The following RNF126 variants were observed in gnomAD, a reference collection of about 807,000 sequenced individuals.
The protein encoded by RNF126 is ring finger protein 126, also known as E3 ubiquitin-protein ligase RNF126.
In RNF126, 20 loss-of-function variants were observed where a neutral mutation model predicts 41.9. The observed-to-expected ratio is 0.48, with a 90% CI of 0.34 to 0.69. The LOEUF is 0.69. Ranked by LOEUF, RNF126 falls within the 30% of genes least tolerant of loss-of-function variation. The probability of loss-of-function intolerance (pLI) is 0.01; values close to 1 mark genes in which losing one functional copy is unlikely to be tolerated. For synonymous variants in RNF126, 239 were observed against 202.9 expected (o/e 1.18, Z -1.51); for missense variants, 433 against 460.6 (o/e 0.94, Z 0.55).
At chr19:651,935 G>C in intron 3 of RNF126, 80 bp from the exon 4 acceptor site, 1 of 1,353,084 alleles carries the variant, frequency 7.4e-7, no homozygotes, top group Non-Finnish European at 1.0e-6. Flanking sequence ...AAAGACAAAG[G>C]AGAAAGCAAG....
chr19:661,851 T>A (rs921589324), intron 1 of RNF126, among the ~76,000 whole-genome samples: 8 of 152,086 alleles, frequency 5.3e-5, no homozygotes, highest in Non-Finnish European at 7.4e-5. Flanking sequence ...TCCAGACCCC[T>A]CCACCTCCTG....
In RNF126 at chr19:653,478, C is replaced by T. The variant is rs116150192; in HGVS notation, c.76-594G>A. 9.5e-3 allele frequency among the ~76,000 whole-genome samples: 1,455 copies of T among 152,368 alleles called. 17 individuals carry two copies. Among genetic ancestry groups the T allele is most frequent in the African/African-American group, 0.033 (1,375 of 41,582 alleles). On this transcript the variant is annotated intron_variant, in intron 1 of 8. Coordinates refer to ENST00000292363, the MANE Select transcript of RNF126 (RefSeq NM_194460.3). ...AGTCCCAAAACCACGTTCACAGTTCCCCAGCACCAGCCTCAAGCCACAGCT... is the reference window on the plus strand; with the variant it reads ...AGTCCCAAAACCACGTTCACAGTTCTCCAGCACCAGCCTCAAGCCACAGCT...
intron 6 of RNF126, 165 bp from the exon 7 acceptor site, chr19:649,140 G>C (rs2030129412): frequency 7.0e-6 from 2 of 287,748 alleles, no homozygotes; most frequent in Non-Finnish European, 6.4e-6. Context: ...AGCCCACGCG[G>C]CCCCCCCGCT....
intron 1 of RNF126, among the ~76,000 whole-genome samples, chr19:655,011 AAAG>A (rs141021872): frequency 0.069 from 10,435 of 151,822 alleles, 404 homozygotes; most frequent in African/African-American, 0.1. Context: ...AGAAAGAAAG[AAAG>A]AAAAAAAAGC....
intron 1 of RNF126, among the ~76,000 whole-genome samples, chr19:653,435 C>T (rs1271805035): frequency 1.3e-5 from 2 of 152,228 alleles, no homozygotes; most frequent in African/African-American, 4.8e-5. Flanking sequence ...GGACCCTGCC[C>T]AGGGACAGCC....
intron 3 of RNF126, 80 bp from the exon 4 acceptor site, chr19:651,935 G>T (rs1056142324): frequency 7.4e-7 from 1 of 1,352,966 alleles, no homozygotes; most frequent in African/African-American, 1.5e-5. Flanking sequence ...AAAGACAAAG[G>T]AGAAAGCAAG....
At chr19:648,549 A>G (rs2030095266) in intron 7 of RNF126, 62 bp from the exon 8 acceptor site, 5 of 1,334,862 alleles carry the variant, frequency 3.7e-6, no homozygotes, top group Middle Eastern at 2.5e-4. Context: ...CTTCAAGGGC[A>G]GGCTACTCCA....
intron 1 of RNF126, among the ~76,000 whole-genome samples, chr19:654,472 G>C (rs919633641): frequency 3.3e-5 from 5 of 151,022 alleles, no homozygotes; most frequent in Middle Eastern, 3.4e-3. Context: ...GTGAAACTCT[G>C]TCTCTACTAA....
chr19:648,076 G>A lies in RNF126; in HGVS notation c.*52C>T. On this transcript the variant is annotated 3_prime_UTR_variant, in exon 9 of 9. Transcript: ENST00000292363. ...CAGTCTGTGGGTGCCGTGTGGCGCT[G>A]GCTGAGGGTGGGTGGGAAAGGCCCC... The A allele has an allele frequency of 6.7e-7, 1 of 1,503,164 alleles. No individual in the cohort carries two copies. Among genetic ancestry groups the A allele is most frequent in the Non-Finnish European group, 8.9e-7 (1 of 1,125,096 alleles). 93.1% of individuals were successfully genotyped at this position (1,503,164 alleles called of 1,614,324 possible).
chr19:652,647 G>A lies in RNF126; in HGVS notation c.134+179C>T, dbSNP rs2030369936. The A allele has an allele frequency of 4.7e-6, 3 of 635,862 alleles. No individual in the cohort carries two copies. In the Admixed American group the frequency reaches 8.6e-5, roughly 18 times the overall value. The allele number at this position is 635,862 out of a possible 1,614,324, so 39.4% of individuals were successfully genotyped here. ...GGCACTCCCCTCTGGCCCCGGCCCG[G>A]CCATCACAGAAGAGAACGGCACGCT... On this transcript the variant is annotated intron_variant, in intron 2 of 8. Transcript: ENST00000292363.
intron 1 of RNF126, among the ~76,000 whole-genome samples, chr19:656,091 G>A (rs1056027781): frequency 2.0e-5 from 3 of 152,130 alleles, no homozygotes; most frequent in Non-Finnish European, 4.4e-5. Context: ...TTTTGCAGCT[G>A]TGAGAATGCT....
chr19:652,301 GGAGA>G lies in RNF126; in HGVS notation c.135-9_135-6del. On this transcript the variant is annotated splice_region_variant and splice_polypyrimidine_tract_variant and intron_variant, in intron 2 of 8. Coordinates refer to ENST00000292363, the MANE Select transcript of RNF126 (RefSeq NM_194460.3). ...GCAGAACCATTTTCTGTGCTCCTGG[GGAGA>G]GAGTGCAGGTCAGCAGTGCCGGCTA... 6.4e-7 allele frequency: 1 copy of G among 1,558,438 alleles called. No homozygotes were observed.
chr19:652,685 G>T, intron 2 of RNF126, 141 bp downstream of exon 2: 1 of 762,012 alleles, frequency 1.3e-6, no homozygotes, highest in Non-Finnish European at 2.2e-6. Flanking sequence ...TGTCTGCACA[G>T]AGAAAAGTGC....
At chr19:662,979 C>G (rs924441113) in intron 1 of RNF126, 68 bp downstream of exon 1, 251 of 780,892 alleles carry the variant, frequency 3.2e-4, no homozygotes, top group Non-Finnish European at 3.9e-4. Context: ...GACCCCCACC[C>G]CGGCCCCGGC....
At position 659,524 on chromosome 19, in the gene RNF126, C is replaced by T. The variant is rs115211338; in HGVS notation, c.75+3523G>A. The stretch of plus-strand genomic sequence containing the variant: ...GAGACGGGGAGGTCAGGGGCAAGGA[C>T]GGCACGCAGGGCCACCTCCCTGCGC... On this transcript the variant is annotated intron_variant, in intron 1 of 8. Coordinates refer to ENST00000292363, the MANE Select transcript of RNF126 (RefSeq NM_194460.3). This position sits in a 1 kb window ranked among gnomAD's most constrained non-coding sequence, Gnocchi z 4.9. Among the ~76,000 whole-genome samples the T allele has an allele frequency of 0.012, 1,753 of 152,204 alleles. 36 individuals carry two copies. The highest frequency in any genetic ancestry group is 0.04 in the African/African-American group (1,646 of 41,512).
At chr19:652,641 G>C in intron 2 of RNF126, 185 bp downstream of exon 2, 1 of 629,640 alleles carries the variant, frequency 1.6e-6, no homozygotes, top group South Asian at 1.9e-5. Context: ...CTCTGGCCCC[G>C]GCCCGGCCAT....
chr19:648,011 T>C lies in RNF126; in HGVS notation c.*117A>G. On this transcript the variant is annotated 3_prime_UTR_variant, in exon 9 of 9. Transcript: ENST00000292363. ...GTCCTGCCCTGGAACAGGCGGGACC[T>C]GCAGCGCTGACCAGCCAAGCGTGGC... The C allele has an allele frequency of 8.0e-7, 1 of 1,245,636 alleles. No homozygotes were observed. Among genetic ancestry groups the C allele is most frequent in the Non-Finnish European group, 1.1e-6 (1 of 924,002 alleles). 77.2% of individuals were successfully genotyped at this position (1,245,636 alleles called of 1,614,324 possible).
At chr19:662,982 G>T in intron 1 of RNF126, 65 bp downstream of exon 1, 5 of 809,398 alleles carry the variant, frequency 6.2e-6, no homozygotes, top group Non-Finnish European at 8.4e-6. Context: ...CCCCACCCCG[G>T]CCCCGGCCTT....
chr19:663,000 G>T, intron 1 of RNF126, 47 bp downstream of exon 1: 3 of 1,074,832 alleles, frequency 2.8e-6, no homozygotes, highest in Non-Finnish European at 3.6e-6. Context: ...CTTGCCTCAG[G>T]CCTGCGGCGC....
Sources: allele counts gnomAD v4.1 joint callset (sites outside exome capture counted in the v4.1 genomes callset), GRCh38; gene constraint gnomAD v4.1.1; non-coding constraint Gnocchi (gnomAD v3.1); transcripts MANE v1.5; gene names NCBI Gene and HGNC (gene_info 2026-07-23, HGNC 2026-07-21).